Variants in ADRA1B observed in about 807,000 individuals in gnomAD.
ADRA1B encodes the protein adrenoceptor alpha 1B, also known as alpha-1B adrenergic receptor.
ADRA1B carries 17 observed loss-of-function variants against 17.9 expected under a neutral mutation model. The observed-to-expected ratio is 0.95, with a 90% CI of 0.65 to 1.42. The LOEUF is 1.42. ADRA1B is among the 40% of genes most tolerant of loss of function. ADRA1B has a pLI of 0.00. For missense variants in ADRA1B, 681 were observed against 722.1 expected (o/e 0.94, Z 0.65); for synonymous variants, 366 against 327.6 (o/e 1.12, Z -1.27).
intron 1 of ADRA1B, among the ~76,000 whole-genome samples, chr5:159,872,796 T>C (rs1413010492): frequency 6.6e-6 from 1 of 152,138 alleles, no homozygotes; most frequent in Non-Finnish European, 1.5e-5. Flanking sequence ...CTGGGATACA[T>C]GTGCAAAACG....
In ADRA1B at chr5:159,972,472, C is replaced by G. The variant is rs1013085700; in HGVS notation, c.1543C>G (p.Leu515Val). The G allele has an allele frequency of 2.9e-6, 4 of 1,377,568 alleles. No homozygotes were observed. The African/African-American group carries it at 6.1e-5, about 21-fold the overall frequency. 85.3% of individuals were successfully genotyped at this position (1,377,568 alleles called of 1,614,324 possible). A position where few individuals can be genotyped will look rare whatever the true frequency, so the allele number is the denominator to read the frequency against. ...GCCGGGCTTCAAAAGCAACATGCCC[C>G]TGGCGCCCGGGCAGTTTTAGGGCCC... ...GQPGFKSNMP[L>V]APGQF Residue 515 changes from leucine to valine, a missense_variant, in exon 2 of 2, where the codon CTG (leucine) becomes GTG (valine). Around this residue, in one of 3 missense-constraint regions of ADRA1B, gnomAD observed 251 missense variants for 224.9 expected, o/e 1.12. Transcript: ENST00000306675.
intron 1 of ADRA1B, among the ~76,000 whole-genome samples, chr5:159,943,897 CTCTCTCTG>C (rs1304619792): frequency 2.0e-5 from 3 of 146,808 alleles, no homozygotes; most frequent in African/African-American, 5.0e-5. Flanking sequence ...CATTCTCTCT[CTCTCTCTG>C]TCTCTCTCAC....
chr5:159,942,580 G>A (rs375140458), intron 1 of ADRA1B, among the ~76,000 whole-genome samples: 1 of 152,280 alleles, frequency 6.6e-6, no homozygotes, highest in East Asian at 1.9e-4. Context: ...GGAGGCTAAG[G>A]CGGGAGGAAC....
At chr5:159,969,664 A>G (rs745763069) in intron 1 of ADRA1B, among the ~76,000 whole-genome samples, 1 of 152,228 alleles carries the variant, frequency 6.6e-6, no homozygotes, top group Non-Finnish European at 1.5e-5. Context: ...GCCCTTGGGA[A>G]GCTCAGTCTG....
intron 1 of ADRA1B, among the ~76,000 whole-genome samples, chr5:159,962,837 ATTTTTTTTTT>A (rs756263225): frequency 2.3e-5 from 1 of 43,018 alleles, no homozygotes; most frequent in African/African-American, 9.2e-5. Flanking sequence ...ACACCTGGCT[ATTTTTTTTTT>A]TTTTTTTTTT....
intron 1 of ADRA1B, among the ~76,000 whole-genome samples, chr5:159,883,642 A>G (rs1429077548): frequency 6.6e-6 from 1 of 152,218 alleles, no homozygotes; most frequent in African/African-American, 2.4e-5. Flanking sequence ...TTCCCCATGG[A>G]CTTGGCTGCA....
At chr5:159,951,320 G>A in intron 1 of ADRA1B, 7 of 1,339,262 alleles carry the variant, frequency 5.2e-6, no homozygotes, top group South Asian at 2.3e-5. Context: ...TCTCAGCCTT[G>A]ACAGTGCCAT....
intron 1 of ADRA1B, among the ~76,000 whole-genome samples, chr5:159,873,234 A>G (rs541289503): frequency 1.3e-5 from 2 of 152,328 alleles, no homozygotes; most frequent in East Asian, 1.9e-4. Context: ...TGCAATAAAC[A>G]TAAGTATGCA....
intron 1 of ADRA1B, chr5:159,888,115 G>A (rs150436986): frequency 1.2e-4 from 18 of 152,268 alleles, no homozygotes; most frequent in African/African-American, 4.3e-4. Context: ...ATAAAATCTG[G>A]ACTAGAATTC....
chr5:159,960,047 G>A (rs867554651), intron 1 of ADRA1B, among the ~76,000 whole-genome samples: 24 of 152,140 alleles, frequency 1.6e-4, no homozygotes, highest in African/African-American at 4.1e-4. Context: ...AACCCAAGGC[G>A]TTACACGAGG....
At chr5:159,921,186 C>A (rs1754468998) in intron 1 of ADRA1B, among the ~76,000 whole-genome samples, 1 of 152,182 alleles carries the variant, frequency 6.6e-6, no homozygotes, top group African/African-American at 2.4e-5. Context: ...CTCTCCCCAC[C>A]TGGGACATCC....
the ADRA1B span, among the ~76,000 whole-genome samples, chr5:159,987,047 T>C: frequency 1.3e-5 from 2 of 152,192 alleles, no homozygotes; most frequent in Non-Finnish European, 2.9e-5. Context: ...CATCGACCCG[T>C]CACTTCCCAG....
chr5:159,950,442 G>T, intron 1 of ADRA1B: 1 of 928,816 alleles, frequency 1.1e-6, no homozygotes, highest in East Asian at 2.5e-5. Context: ...CCATCAGTGA[G>T]GGCTTCTCGC....
At chr5:159,882,148 G>C (rs2113089817) in intron 1 of ADRA1B, among the ~76,000 whole-genome samples, 1 of 152,282 alleles carries the variant, frequency 6.6e-6, no homozygotes, top group South Asian at 2.1e-4. Flanking sequence ...ATGAAGAGGA[G>C]GAACTATGGA....
At chr5:159,899,306 GGAAGGAAGGAAA>G (rs1754075297) in intron 1 of ADRA1B, among the ~76,000 whole-genome samples, 3 of 147,094 alleles carry the variant, frequency 2.0e-5, no homozygotes, top group African/African-American at 7.4e-5. Context: ...AAGGAAGGAA[GGAAGGAAGGAAA>G]GAAGGAAAGG....
At chr5:159,875,949 G>A (rs1210497986) in intron 1 of ADRA1B, among the ~76,000 whole-genome samples, 1 of 152,242 alleles carries the variant, frequency 6.6e-6, no homozygotes, top group Non-Finnish European at 1.5e-5. Context: ...AACACTTTGG[G>A]AGGCTGAGGT....
the ADRA1B span, among the ~76,000 whole-genome samples, chr5:159,983,773 A>G: frequency 6.6e-6 from 1 of 151,994 alleles, no homozygotes; most frequent in East Asian, 1.9e-4. Context: ...TTTTTTTTCT[A>G]GCATCACTGA....
At chr5:159,956,077 C>T (rs976691057) in intron 1 of ADRA1B, among the ~76,000 whole-genome samples, 1 of 152,046 alleles carries the variant, frequency 6.6e-6, no homozygotes, top group African/African-American at 2.4e-5. Flanking sequence ...GATCCCATCT[C>T]TACAAAAAAG....
chr5:159,939,272 AGAGAGAGT>A (rs1160845389), intron 1 of ADRA1B, among the ~76,000 whole-genome samples: 4 of 76,346 alleles, frequency 5.2e-5, no homozygotes, highest in Admixed American at 1.6e-4. Flanking sequence ...AGAGAGAGAG[AGAGAGAGT>A]GTGTGTGTGT....
Sources: allele counts gnomAD v4.1 joint callset (sites outside exome capture counted in the v4.1 genomes callset), GRCh38; gene constraint gnomAD v4.1.1; regional missense constraint gnomAD v4.1.1; transcripts MANE v1.5; gene names NCBI Gene and HGNC (gene_info 2026-07-23, HGNC 2026-07-21).